The following ARHGEF3 variants were observed in gnomAD, a reference collection of about 807,000 sequenced individuals.
ARHGEF3 encodes the protein Rho guanine nucleotide exchange factor 3.
In ARHGEF3, 28 loss-of-function variants were observed where a neutral mutation model predicts 63.2. That is an observed-to-expected ratio of 0.44 (90% CI 0.33 to 0.61). The LOEUF is 0.61. ARHGEF3 is among the 20% of genes least tolerant of loss of function. The pLI is 0.03. For missense variants in ARHGEF3, 533 were observed against 659.3 expected (o/e 0.81, Z 2.10); for synonymous variants, 266 against 254.2 (o/e 1.05, Z -0.44).
Position 56,773,830 on chromosome 3 carries a change from A to G in ARHGEF3, c.97-14T>C. On this transcript the variant is annotated splice_polypyrimidine_tract_variant and intron_variant, in intron 1 of 9. Transcript: ENST00000296315. ...ATTACTAGGCTCCTATAGAGTTAAAAAAAAAAAAAAGTAAAATGTCAAGGT... is the reference window on the plus strand; with the variant it reads ...ATTACTAGGCTCCTATAGAGTTAAAGAAAAAAAAAAGTAAAATGTCAAGGT... The G allele has an allele frequency of 6.4e-7, 1 of 1,573,292 alleles. No individual in the cohort carries two copies. The highest frequency in any genetic ancestry group is 2.3e-5 in the East Asian group (1 of 44,386).
intron 3 of ARHGEF3, among the ~76,000 whole-genome samples, chr3:56,923,064 ATATATAT>A (rs1560053873): frequency 2.3e-4 from 7 of 30,886 alleles, no homozygotes; most frequent in African/African-American, 6.9e-4. Flanking sequence ...ATATATATAT[ATATATAT>A]ATATAAATTA....
At chr3:56,839,208 C>A (rs1336412347) in intron 4 of ARHGEF3, among the ~76,000 whole-genome samples, 1 of 151,822 alleles carries the variant, frequency 6.6e-6, no homozygotes, top group Non-Finnish European at 1.5e-5. Context: ...ATTTACATAA[C>A]CAGATACATT....
intron 3 of ARHGEF3, among the ~76,000 whole-genome samples, chr3:56,944,655 C>A (rs560499652): frequency 7.1e-6 from 1 of 140,900 alleles, no homozygotes; most frequent in African/African-American, 2.6e-5. Context: ...CAGGGCACTG[C>A]AACCTCTGCC....
intron 1 of ARHGEF3, among the ~76,000 whole-genome samples, chr3:57,055,413 C>A (rs1378022052): frequency 2.0e-5 from 3 of 152,166 alleles, no homozygotes; most frequent in Non-Finnish European, 4.4e-5. Context: ...CTGCCCGCCT[C>A]GGCCTCCCAG....
chr3:56,889,110 C>T (rs1259880678), intron 3 of ARHGEF3, among the ~76,000 whole-genome samples: 6 of 151,916 alleles, frequency 3.9e-5, no homozygotes, highest in Non-Finnish European at 5.9e-5. Context: ...CTGAACCTTT[C>T]GACCCACTTT....
intron 4 of ARHGEF3, among the ~76,000 whole-genome samples, chr3:56,836,616 A>T (rs2039119140): frequency 6.7e-6 from 1 of 149,266 alleles, no homozygotes; most frequent in African/African-American, 2.4e-5. Flanking sequence ...TTATACAACA[A>T]TCAGACAAGA....
chr3:56,842,370 T>C (rs1459404103), intron 4 of ARHGEF3, among the ~76,000 whole-genome samples: 1 of 152,250 alleles, frequency 6.6e-6, no homozygotes, highest in African/African-American at 2.4e-5. Flanking sequence ...ATCAATTACA[T>C]GCTTTGCAAG....
Position 56,957,487 on chromosome 3 carries a change from A to G in ARHGEF3, c.129+1336T>C, listed in dbSNP as rs540547444. ...TTCCATTCATTCATCTGACAAATTA[A>G]TTAAGCATACATGTGCTAGGCACTG... is the stretch of plus-strand genomic sequence containing the variant. On this transcript the variant is annotated intron_variant, in intron 3 of 12. Transcript: ENST00000338458. 1.2e-4 allele frequency among the ~76,000 whole-genome samples: 19 copies of G among 152,374 alleles called. No individual in the cohort carries two copies. In the South Asian group the frequency reaches 3.7e-3, roughly 30 times the overall value.
intron 4 of ARHGEF3, among the ~76,000 whole-genome samples, chr3:56,819,517 T>TG (rs2038392968): frequency 7.1e-6 from 1 of 140,104 alleles, no homozygotes; most frequent in South Asian, 2.1e-4. Context: ...GGCAGTTTTT[T>TG]TTTTTTTTTT....
chr3:57,077,383 T>C (rs957518436), intron 1 of ARHGEF3, among the ~76,000 whole-genome samples: 2 of 152,142 alleles, frequency 1.3e-5, no homozygotes, highest in African/African-American at 2.4e-5. Context: ...ACAGGCCTCA[T>C]GGAAAATACA....
chr3:56,949,338 T>C (rs1433128617), intron 3 of ARHGEF3, among the ~76,000 whole-genome samples: 2 of 152,020 alleles, frequency 1.3e-5, no homozygotes, highest in East Asian at 3.9e-4. Flanking sequence ...GGAAGTCAAA[T>C]TGTCCCTGTT....
chr3:57,042,700 A>ATATTTTTTT (rs1704272727), intron 1 of ARHGEF3, among the ~76,000 whole-genome samples: 1 of 66,138 alleles, frequency 1.5e-5, no homozygotes, highest in African/African-American at 5.0e-5. Context: ...ATATATATAT[A>ATATTTTTTT]TTTTTTTTTT....
intron 1 of ARHGEF3, among the ~76,000 whole-genome samples, chr3:57,048,681 T>C (rs1872941): frequency 0.33 from 50,049 of 151,990 alleles, 9,843 homozygotes; most frequent in East Asian, 0.82. Flanking sequence ...CCAAAGCGAA[T>C]TGGGGACACA....
intron 3 of ARHGEF3, among the ~76,000 whole-genome samples, chr3:56,891,031 G>C (rs2041098688): frequency 6.6e-6 from 1 of 152,096 alleles, no homozygotes; most frequent in Non-Finnish European, 1.5e-5. Context: ...AAAGGATTTT[G>C]TGTTCTTGTA....
At chr3:57,031,106 AC>A (rs1450822609) in intron 2 of ARHGEF3, among the ~76,000 whole-genome samples, 1 of 151,954 alleles carries the variant, frequency 6.6e-6, no homozygotes, top group Admixed American at 6.5e-5. Flanking sequence ...TTGTTACTCC[AC>A]CCCTTTTACT....
chr3:56,879,524 T>G (rs188123087), intron 4 of ARHGEF3, among the ~76,000 whole-genome samples: 1 of 152,230 alleles, frequency 6.6e-6, no homozygotes, highest in East Asian at 1.9e-4. Context: ...CTGCAATTTC[T>G]TGTTCAAAGC....
At chr3:56,941,057 G>A (rs1487024954) in intron 3 of ARHGEF3, 1 of 152,402 alleles carries the variant, frequency 6.6e-6, no homozygotes, top group Non-Finnish European at 1.5e-5. Context: ...AAGGGCGCAT[G>A]GAAGTAGCCT....
intron 4 of ARHGEF3, among the ~76,000 whole-genome samples, chr3:56,869,789 G>A (rs2040375170): frequency 6.6e-6 from 1 of 152,122 alleles, no homozygotes; most frequent in Admixed American, 6.5e-5. Context: ...TTTTCAGGTG[G>A]ACAGACCCAG....
chr3:57,032,294 T>G (rs921503245), intron 2 of ARHGEF3, among the ~76,000 whole-genome samples: 1 of 152,242 alleles, frequency 6.6e-6, no homozygotes, highest in Non-Finnish European at 1.5e-5. Context: ...CCTGTTCATA[T>G]GCTGGACAGG....
Sources: gnomAD v4.1 joint callset for allele counts (sites outside exome capture counted in the v4.1 genomes callset) on GRCh38, gnomAD v4.1.1 for gene constraint, MANE v1.5 for transcripts, NCBI Gene and HGNC (gene_info 2026-07-23, HGNC 2026-07-21) for gene names.